Variants in ZNHIT6 observed in about 807,000 individuals in gnomAD.
ZNHIT6 encodes box C/D snoRNA protein 1.
A neutral mutation model predicts 57.2 loss-of-function variants in ZNHIT6; 45 were observed. That is an observed-to-expected ratio of 0.79 (90% CI 0.62 to 1.01). The LOEUF (loss-of-function observed/expected upper bound fraction) is 1.01, where lower values mean the gene tolerates loss of function less well. Ranked by LOEUF, ZNHIT6 falls within the 50% of genes least tolerant of loss-of-function variation. The pLI, the probability that ZNHIT6 is intolerant of heterozygous loss-of-function variation, is 0.00. For missense variants in ZNHIT6, 528 were observed against 567.3 expected, an observed-to-expected ratio of 0.93 and a Z score of 0.70; for synonymous variants, 188 against 190.0, an observed-to-expected ratio of 0.99 and a Z score of 0.09.
chr1:85,702,199 CCA>C lies in ZNHIT6; in HGVS notation c.975_976del (p.Asn325LysfsTer13), dbSNP rs746953535. On this transcript the variant is annotated frameshift_variant, in exon 5 of 10. Coordinates refer to ENST00000370574, the MANE Select transcript of ZNHIT6 (RefSeq NM_017953.4). LOFTEE classifies it high-confidence loss of function. ...TGAATTCTCCTTCCTCTTGGTGAAT[CCA>C]TTGGGTAGAAGTTTTAAGTTAATAC... 3.1e-6 allele frequency: 5 copies of C among 1,611,036 alleles called. No individual in the cohort carries two copies. The highest frequency in any genetic ancestry group is 4.2e-6 in the Non-Finnish European group (5 of 1,179,092).
intron 8 of ZNHIT6, among the ~76,000 whole-genome samples, chr1:85,666,483 C>T (rs1311252956): frequency 2.4e-5 from 3 of 124,486 alleles, no homozygotes; most frequent in African/African-American, 5.1e-5. Context: ...AAATTGTAGG[C>T]TTACAATCTG....
Position 85,708,021 on chromosome 1 carries a change from T to C in ZNHIT6, c.264A>G (p.Thr88=), listed in dbSNP as rs1034357478. The stretch of plus-strand genomic sequence containing the variant: ...CCCACTGGCCAGCCAACCTGCCTTC[T>C]GTACCTGGCCAGTCTATAATTTCCT... ...VKQEIIDWPG[T]EGRLAGQWVE... The change falls in exon 1 of 10, where the codon ACA becomes ACG. Residue 88 remains threonine, a synonymous_variant. Transcript: ENST00000370574. 10 of 1,614,180 alleles carry C rather than the reference T, an allele frequency of 6.2e-6. No individual in the cohort carries two copies. Among genetic ancestry groups the C allele is most frequent in the Non-Finnish European group, 8.5e-6 (10 of 1,180,034 alleles).
At chr1:85,689,915 G>GA (rs1662170091) in intron 5 of ZNHIT6, among the ~76,000 whole-genome samples, 1 of 152,170 alleles carries the variant, frequency 6.6e-6, no homozygotes, top group African/African-American at 2.4e-5. Flanking sequence ...CTAGAAAGTA[G>GA]AAAGGAGACC....
intron 5 of ZNHIT6, among the ~76,000 whole-genome samples, chr1:85,682,016 CTT>C (rs11394559): frequency 7.6e-6 from 1 of 132,298 alleles, no homozygotes; most frequent in Non-Finnish European, 1.5e-5. Flanking sequence ...TTTTGTTCAT[CTT>C]TTTTTTTTTT....
At chr1:85,670,426 C>A (rs981631238) in intron 8 of ZNHIT6, among the ~76,000 whole-genome samples, 1 of 152,048 alleles carries the variant, frequency 6.6e-6, no homozygotes, top group Admixed American at 6.6e-5. Context: ...ATACAGCAGG[C>A]ATATATACAT....
At chr1:85,705,307 T>A (rs1310682843) in intron 4 of ZNHIT6, among the ~76,000 whole-genome samples, 1 of 152,116 alleles carries the variant, frequency 6.6e-6, no homozygotes, top group Non-Finnish European at 1.5e-5. Context: ...TTGACCTTCC[T>A]GGGCTCTGGT....
intron 8 of ZNHIT6, among the ~76,000 whole-genome samples, chr1:85,669,868 T>A (rs1354211751): frequency 4.6e-5 from 7 of 152,178 alleles, no homozygotes. Context: ...GTCTTGTAGA[T>A]GTCTATATAT....
At chr1:85,665,332 C>T (rs112517674) in intron 8 of ZNHIT6, among the ~76,000 whole-genome samples, 8 of 151,600 alleles carry the variant, frequency 5.3e-5, no homozygotes, top group African/African-American at 1.9e-4. Flanking sequence ...CCTATGTTGC[C>T]CAGGCTGGTC....
chr1:85,672,803 A>AAAAAACC (rs1661597005), intron 8 of ZNHIT6, among the ~76,000 whole-genome samples: 1 of 152,158 alleles, frequency 6.6e-6, no homozygotes, highest in Admixed American at 6.5e-5. Flanking sequence ...CACAAAAAAA[A>AAAAAACC]AAAAAACCAC....
chr1:85,676,050 T>C (rs13374061), intron 8 of ZNHIT6, among the ~76,000 whole-genome samples: 3,721 of 152,178 alleles, frequency 0.024, 163 homozygotes, highest in African/African-American at 0.086. Context: ...TAAGACTGTT[T>C]TACTGGCCGG....
chr1:85,658,427 TCA>T (rs1403890152), intron 8 of ZNHIT6, among the ~76,000 whole-genome samples: 1 of 152,072 alleles, frequency 6.6e-6, no homozygotes, highest in African/African-American at 2.4e-5. Flanking sequence ...AGACGGGGTT[TCA>T]CAGTGTTAGC....
intron 5 of ZNHIT6, among the ~76,000 whole-genome samples, chr1:85,696,864 T>G (rs943638635): frequency 1.4e-4 from 21 of 146,748 alleles, no homozygotes; most frequent in African/African-American, 5.1e-4. Flanking sequence ...TTTTTTTTTT[T>G]TTTTTGGAGA....
At chr1:85,678,903 TATATTAC>T in intron 6 of ZNHIT6, 122 bp from the exon 7 acceptor site, 1 of 516,442 alleles carries the variant, frequency 1.9e-6, no homozygotes, top group Non-Finnish European at 3.3e-6. Flanking sequence ...AAAGACCTTT[TATATTAC>T]TCTTGGCAAA....
At chr1:85,656,452 G>C (rs552497548) in intron 9 of ZNHIT6, among the ~76,000 whole-genome samples, 1 of 152,208 alleles carries the variant, frequency 6.6e-6, no homozygotes, top group South Asian at 2.1e-4. Context: ...AGCCTTACTT[G>C]AATGTACATT....
At chr1:85,674,673 A>G (rs539771343) in intron 8 of ZNHIT6, among the ~76,000 whole-genome samples, 15 of 152,246 alleles carry the variant, frequency 9.9e-5, no homozygotes, top group Admixed American at 7.9e-4. Context: ...TATCTGTTTC[A>G]TCTTCTAAAT....
intron 8 of ZNHIT6, among the ~76,000 whole-genome samples, chr1:85,674,123 A>G (rs1661638676): frequency 6.6e-6 from 1 of 152,114 alleles, no homozygotes; most frequent in Admixed American, 6.6e-5. Context: ...CAGAATGGCA[A>G]TTTTTAAATT....
At chr1:85,675,719 C>T (rs1285144508) in intron 8 of ZNHIT6, among the ~76,000 whole-genome samples, 1 of 152,160 alleles carries the variant, frequency 6.6e-6, no homozygotes. Flanking sequence ...ATTTTGTCTA[C>T]ATTGAAAAAT....
In ZNHIT6 at chr1:85,705,562, C is replaced by A. The variant is rs544153258; in HGVS notation, c.915+516G>T. Among the ~76,000 whole-genome samples the A allele has an allele frequency of 3.2e-4, 48 of 152,312 alleles. No individual in the cohort carries two copies. The South Asian group carries it at 9.7e-3, about 31-fold the overall frequency. ...CATTTTCAATACTCTCCTCCTCACT[C>A]ACTATGCTTCAGTTACCTTGCAAAT... On this transcript the variant is annotated intron_variant, in intron 4 of 9. Transcript: ENST00000370574.
In ZNHIT6 at chr1:85,652,219, CTCATATTCAGA is replaced by C. The variant is rs752495554; in HGVS notation, c.*1828_*1838del. 3.7e-4 allele frequency: 56 copies of C among 152,142 alleles called. No individual in the cohort carries two copies. Among genetic ancestry groups the C allele is most frequent in the Non-Finnish European group, 6.2e-4 (42 of 68,016 alleles). 9.4% of individuals were successfully genotyped at this position (152,142 alleles called of 1,614,324 possible). ...CACTGTCAAAAAATTCCTATCCACC[CTCATATTCAGA>C]TCATATTCAGATCGCAAGTTCTTTT... On this transcript the variant is annotated 3_prime_UTR_variant, in exon 10 of 10. Coordinates refer to ENST00000370574, the MANE Select transcript of ZNHIT6 (RefSeq NM_017953.4).
Sources: allele counts gnomAD v4.1 joint callset (sites outside exome capture counted in the v4.1 genomes callset), GRCh38; gene constraint gnomAD v4.1.1; transcripts MANE v1.5; gene names NCBI Gene and HGNC (gene_info 2026-07-23, HGNC 2026-07-21).